Variants in HOMER1 observed in about 807,000 individuals in gnomAD.
HOMER1 encodes homer protein homolog 1.
A neutral mutation model predicts 48.9 loss-of-function variants in HOMER1; 3 were observed. The ratio of observed to expected loss-of-function variants is 0.06; its 90% CI spans 0.03 to 0.16. HOMER1 has a LOEUF of 0.16. Among genes scored for constraint, HOMER1 ranks in the 10% least tolerant of loss-of-function variants. The pLI is 1.00. For missense variants in HOMER1, 247 were observed against 411.4 expected (o/e 0.60, Z 3.46); for synonymous variants, 134 against 146.4 (o/e 0.92, Z 0.61).
intron 1 of HOMER1, among the ~76,000 whole-genome samples, chr5:79,508,108 G>C (rs1752828571): frequency 6.6e-6 from 1 of 152,128 alleles, no homozygotes; most frequent in Non-Finnish European, 1.5e-5. Flanking sequence ...AAACCAAATT[G>C]TAAATGATTT....
intron 5 of HOMER1, among the ~76,000 whole-genome samples, chr5:79,406,460 A>G (rs1749665501): frequency 2.0e-5 from 3 of 152,214 alleles, no homozygotes; most frequent in African/African-American, 7.2e-5. Context: ...GGGAATTTGT[A>G]CCGTCTTGCA....
chr5:79,427,149 G>A (rs144267968), intron 5 of HOMER1, among the ~76,000 whole-genome samples: 69 of 152,192 alleles, frequency 4.5e-4, no homozygotes, highest in African/African-American at 1.6e-3. Flanking sequence ...CACTGTCTAT[G>A]TAAAACAAGT....
At position 79,514,095 on chromosome 5, in the gene HOMER1, G is replaced by A. The variant is rs1198201945; in HGVS notation, c.-1321C>T. ...GCAGAGAAGAGGGTGCTGCTTTCCC[G>A]GTCAGCGCCGCCGGCGTGAAGCTAG... On this transcript the variant is annotated 5_prime_UTR_variant, in exon 1 of 9. Transcript: ENST00000334082. The A allele has an allele frequency of 6.6e-6, 1 of 152,164 alleles. No individual in the cohort carries two copies. Among genetic ancestry groups the A allele is most frequent in the African/African-American group, 2.4e-5 (1 of 41,428 alleles). 9.4% of individuals were successfully genotyped at this position (152,164 alleles called of 1,614,324 possible).
intron 1 of HOMER1, among the ~76,000 whole-genome samples, chr5:79,490,194 A>G (rs1752229509): frequency 6.6e-6 from 1 of 152,266 alleles, no homozygotes; most frequent in South Asian, 2.1e-4. Context: ...TTTATAGACA[A>G]GGCAATCCAT....
Position 79,502,083 on chromosome 5 carries a change from G to A in HOMER1, c.5+10687C>T, listed in dbSNP as rs575239065. 8.9e-5 allele frequency among the ~76,000 whole-genome samples: 13 copies of A among 146,154 alleles called. No individual in the cohort carries two copies. The South Asian group carries it at 1.3e-3, about 15-fold the overall frequency. ...TCACCAGGCTGGAGTTCAGTGGCGCGATCTTGGCTCACTGCAACCTCCACC... is the reference window on the plus strand; with the variant it reads ...TCACCAGGCTGGAGTTCAGTGGCGCAATCTTGGCTCACTGCAACCTCCACC... On this transcript the variant is annotated intron_variant, in intron 1 of 8. Transcript: ENST00000334082.
At chr5:79,503,930 T>G (rs1580046384) in intron 1 of HOMER1, among the ~76,000 whole-genome samples, 1 of 152,254 alleles carries the variant, frequency 6.6e-6, no homozygotes, top group Admixed American at 6.5e-5. Flanking sequence ...CCTACACAGT[T>G]CAAACCTGTG....
Position 79,374,742 on chromosome 5 carries a change from A to C in HOMER1, c.*1267T>G, listed in dbSNP as rs1748716888. 6.6e-6 allele frequency: 1 copy of C among 152,112 alleles called. No homozygotes were observed. The highest frequency in any genetic ancestry group is 2.4e-5 in the African/African-American group (1 of 41,460). The allele number at this position is 152,112 out of a possible 1,614,324, so 9.4% of individuals were successfully genotyped here. A position where few individuals can be genotyped will look rare whatever the true frequency, so the allele number is the denominator to read the frequency against. ...AATAGCTTCGTAAAAGAAATATATC[A>C]TATAAAGAAATGCATGTTTGCTAAA... On this transcript the variant is annotated 3_prime_UTR_variant, in exon 9 of 9. Transcript: ENST00000334082.
In HOMER1 at chr5:79,373,923, G is replaced by A. The variant is rs1226537139; in HGVS notation, c.*2086C>T. The A allele has an allele frequency of 6.6e-6, 1 of 151,786 alleles. No homozygotes were observed. Among genetic ancestry groups the A allele is most frequent in the Non-Finnish European group, 1.5e-5 (1 of 67,824 alleles). The allele number at this position is 151,786 out of a possible 1,614,324, so 9.4% of individuals were successfully genotyped here. A position where few individuals can be genotyped will look rare whatever the true frequency, so the allele number is the denominator to read the frequency against. On this transcript the variant is annotated 3_prime_UTR_variant, in exon 9 of 9. Coordinates refer to ENST00000334082, the MANE Select transcript of HOMER1 (RefSeq NM_004272.5). ...CCACATTATCAATACAATTCAAATG[G>A]AGACATTTTGGTGAGTTTTTTCATT...
At chr5:79,472,367 G>T (rs140435386) in intron 1 of HOMER1, among the ~76,000 whole-genome samples, 1 of 152,196 alleles carries the variant, frequency 6.6e-6, no homozygotes, top group East Asian at 1.9e-4. Context: ...ACAGCTAGTG[G>T]AATATTGTCT....
In HOMER1 at chr5:79,510,909, T is replaced by C. The variant is rs866688531; in HGVS notation, c.5+1861A>G. 5.1e-5 allele frequency: 33 copies of C among 642,294 alleles called. No homozygotes were observed. In the South Asian group the frequency reaches 6.1e-4, roughly 12 times the overall value. The allele number at this position is 642,294 out of a possible 1,614,324, so 39.8% of individuals were successfully genotyped here. ...AGGCTTCAGAGTAGATATCTCTATCTGCCAACGTGAGGACAGGACTGGTGC... is the reference window on the plus strand; with the variant it reads ...AGGCTTCAGAGTAGATATCTCTATCCGCCAACGTGAGGACAGGACTGGTGC... On this transcript the variant is annotated intron_variant, in intron 1 of 8. Transcript: ENST00000334082.
rs773847883 is a variant in HOMER1, at chr5:79,375,445, A to G, written c.*564T>C. ...AGGGAAGAACTCTATACACCCAGTT[A>G]TAGTATATTTCAATTAAAGATACAG... On this transcript the variant is annotated 3_prime_UTR_variant, in exon 9 of 9. Coordinates refer to ENST00000334082, the MANE Select transcript of HOMER1 (RefSeq NM_004272.5). 1 of 152,132 alleles carries G rather than the reference A, an allele frequency of 6.6e-6. No individual in the cohort carries two copies. The highest frequency in any genetic ancestry group is 2.1e-4 in the South Asian group (1 of 4,834). 9.4% of individuals were successfully genotyped at this position (152,132 alleles called of 1,614,324 possible). A position where few individuals can be genotyped will look rare whatever the true frequency, so the allele number is the denominator to read the frequency against.
intron 8 of HOMER1, among the ~76,000 whole-genome samples, chr5:79,389,064 GA>G (rs993168509): frequency 5.9e-5 from 9 of 151,920 alleles, no homozygotes; most frequent in Admixed American, 5.9e-4. Context: ...AAAAATAAAG[GA>G]AAAATCCTCA....
intron 8 of HOMER1, among the ~76,000 whole-genome samples, chr5:79,390,443 T>G (rs1749220862): frequency 6.6e-6 from 1 of 152,116 alleles, no homozygotes; most frequent in Non-Finnish European, 1.5e-5. Context: ...TATCAAGAGA[T>G]ATTTAAAAAT....
intron 1 of HOMER1, among the ~76,000 whole-genome samples, chr5:79,490,747 T>C (rs1197856433): frequency 7.1e-6 from 1 of 141,790 alleles, no homozygotes; most frequent in African/African-American, 2.7e-5. Flanking sequence ...GCCTGGCCAG[T>C]ATAGCAAGAC....
At chr5:79,472,758 A>T (rs369970378) in intron 1 of HOMER1, among the ~76,000 whole-genome samples, 2 of 152,174 alleles carry the variant, frequency 1.3e-5, no homozygotes, top group East Asian at 1.9e-4. Flanking sequence ...CAGCCTGGGC[A>T]ACAGAGTGAG....
chr5:79,394,767 G>A (rs765201388), intron 8 of HOMER1, among the ~76,000 whole-genome samples: 3 of 152,042 alleles, frequency 2.0e-5, no homozygotes, highest in African/African-American at 4.8e-5. Context: ...GCAGCATTTC[G>A]CTATGTTGCC....
At chr5:79,474,953 A>T (rs1417119582) in intron 1 of HOMER1, among the ~76,000 whole-genome samples, 1 of 152,218 alleles carries the variant, frequency 6.6e-6, no homozygotes, top group Non-Finnish European at 1.5e-5. Context: ...AAATTACTCA[A>T]CAACAACTTC....
Position 79,504,845 on chromosome 5 carries a change from G to A in HOMER1, c.5+7925C>T, listed in dbSNP as rs563151811. On this transcript the variant is annotated intron_variant, in intron 1 of 8. Coordinates refer to ENST00000334082, the MANE Select transcript of HOMER1 (RefSeq NM_004272.5). ...CTAGAAATCAGGATTTTCTATTTATGAGCACTAATTCCCCCAAATCCTTTC... is the reference window on the plus strand; with the variant it reads ...CTAGAAATCAGGATTTTCTATTTATAAGCACTAATTCCCCCAAATCCTTTC... Among the ~76,000 whole-genome samples, 8 of 152,236 alleles carry A rather than the reference G, an allele frequency of 5.3e-5. No individual in the cohort carries two copies. The South Asian group carries it at 1.5e-3, about 28-fold the overall frequency.
At chr5:79,483,287 T>C (rs1000333912) in intron 1 of HOMER1, among the ~76,000 whole-genome samples, 1 of 151,920 alleles carries the variant, frequency 6.6e-6, no homozygotes, top group Non-Finnish European at 1.5e-5. Flanking sequence ...ATCTATAAAG[T>C]ATAGAAAGAA....
Sources: allele counts gnomAD v4.1 joint callset (sites outside exome capture counted in the v4.1 genomes callset), GRCh38; gene constraint gnomAD v4.1.1; transcripts MANE v1.5; gene names NCBI Gene and HGNC (gene_info 2026-07-23, HGNC 2026-07-21).